CDH17: variants seen among roughly 807,000 people sequenced by gnomAD.
CDH17 encodes cadherin 17, also known as cadherin-17.
A neutral mutation model predicts 86.3 loss-of-function variants in CDH17; 67 were observed. The ratio of observed to expected loss-of-function variants is 0.78; its 90% confidence interval spans 0.64 to 0.95. The LOEUF (loss-of-function observed/expected upper bound fraction) is 0.95. Ranked by LOEUF, CDH17 falls within the 40% of genes least tolerant of loss-of-function variation. CDH17 has a pLI of 0.00. For missense variants in CDH17, 993 were observed against 1,017.6 expected, an observed-to-expected ratio of 0.98 and a Z score of 0.33; for synonymous variants, 367 against 366.4, an observed-to-expected ratio of 1.00 and a Z score of -0.02.
intron 3 of CDH17, among the ~76,000 whole-genome samples, chr8:94,180,039 A>C (rs1361339028): frequency 6.6e-6 from 1 of 152,170 alleles, no homozygotes; most frequent in African/African-American, 2.4e-5. Flanking sequence ...AAAGGAAATC[A>C]TCTCTAAAGA....
At chr8:94,152,869 T>C (rs766236088) in intron 12 of CDH17, among the ~76,000 whole-genome samples, 1 of 152,202 alleles carries the variant, frequency 6.6e-6, no homozygotes, top group Non-Finnish European at 1.5e-5. Context: ...GGTTTTGCCA[T>C]GTTGGCCAGG....
At chr8:94,207,687 G>A (rs1375250724) in intron 1 of CDH17, among the ~76,000 whole-genome samples, 2 of 152,150 alleles carry the variant, frequency 1.3e-5, no homozygotes, top group Non-Finnish European at 2.9e-5. Flanking sequence ...AGAAGGCACT[G>A]TCCTTCCAAT....
intron 1 of CDH17, among the ~76,000 whole-genome samples, chr8:94,203,696 T>C (rs1298387942): frequency 1.3e-5 from 2 of 152,172 alleles, no homozygotes. Flanking sequence ...CCAATTAAAG[T>C]GGCCATTAAT....
intron 15 of CDH17, among the ~76,000 whole-genome samples, chr8:94,132,676 T>A (rs1812442553): frequency 6.6e-6 from 1 of 152,188 alleles, no homozygotes; most frequent in Non-Finnish European, 1.5e-5. Flanking sequence ...TTTAATTAGA[T>A]CCCATTTGTC....
intron 15 of CDH17, among the ~76,000 whole-genome samples, chr8:94,135,686 T>A (rs1019984827): frequency 1.5e-4 from 23 of 152,288 alleles, no homozygotes; most frequent in Admixed American, 9.1e-4. Flanking sequence ...GTGAATTTGA[T>A]CCTGTCATTA....
chr8:94,160,869 A>C (rs1813038499), intron 11 of CDH17, among the ~76,000 whole-genome samples: 1 of 152,212 alleles, frequency 6.6e-6, no homozygotes, highest in Admixed American at 6.5e-5. Flanking sequence ...AGTAAAACCC[A>C]CCAAGGGTCA....
intron 5 of CDH17, 86 bp from the exon 6 acceptor site, chr8:94,174,346 A>C: frequency 1.5e-6 from 2 of 1,331,628 alleles, no homozygotes; most frequent in Non-Finnish European, 2.1e-6. Flanking sequence ...TCCATCTAAA[A>C]AGTGGAGATA....
intron 13 of CDH17, among the ~76,000 whole-genome samples, chr8:94,149,887 T>G (rs1397379293): frequency 6.6e-6 from 1 of 152,140 alleles, no homozygotes; most frequent in Non-Finnish European, 1.5e-5. Flanking sequence ...AAGCAACACA[T>G]CATAGTCATG....
chr8:94,150,892 C>A (rs764379283), intron 13 of CDH17, among the ~76,000 whole-genome samples: 1 of 152,094 alleles, frequency 6.6e-6, no homozygotes, highest in African/African-American at 2.4e-5. Context: ...CAGTATATCC[C>A]CTACTGTTCT....
At chr8:94,131,621 G>C (rs973511600) in intron 15 of CDH17, among the ~76,000 whole-genome samples, 1 of 145,414 alleles carries the variant, frequency 6.9e-6, no homozygotes, top group Non-Finnish European at 1.5e-5. Flanking sequence ...TAGCACTTCA[G>C]CACTATAGTT....
At chr8:94,188,648 G>T (rs913902468) in intron 3 of CDH17, among the ~76,000 whole-genome samples, 1 of 152,152 alleles carries the variant, frequency 6.6e-6, no homozygotes, top group Non-Finnish European at 1.5e-5. Context: ...ATTCCCACCT[G>T]CAGACTGCCC....
upstream of CDH17, among the ~76,000 whole-genome samples, chr8:94,209,995 G>A (rs1438595030): frequency 2.6e-5 from 4 of 151,272 alleles, no homozygotes. Context: ...AACAATGATC[G>A]TGACATGTTG....
chr8:94,199,835 A>G (rs907777121), intron 1 of CDH17, among the ~76,000 whole-genome samples: 4 of 152,120 alleles, frequency 2.6e-5, no homozygotes, highest in Non-Finnish European at 4.4e-5. Flanking sequence ...TCGTGGCCCT[A>G]TCTACTCATC....
At chr8:94,133,567 T>C (rs560736305) in intron 15 of CDH17, among the ~76,000 whole-genome samples, 64 of 152,328 alleles carry the variant, frequency 4.2e-4, no homozygotes, top group African/African-American at 1.5e-3. Flanking sequence ...GCTGAGACAA[T>C]AGGGTTTTCT....
intron 1 of CDH17, among the ~76,000 whole-genome samples, chr8:94,206,745 A>T (rs1232203850): frequency 6.6e-6 from 1 of 150,536 alleles, no homozygotes. Flanking sequence ...GGGCTTAAGG[A>T]ATCCTCTCAC....
intron 3 of CDH17, among the ~76,000 whole-genome samples, chr8:94,182,561 G>A (rs181739834): frequency 8.5e-5 from 13 of 152,116 alleles, no homozygotes; most frequent in East Asian, 1.9e-4. Flanking sequence ...GACAAAATCC[G>A]TCATCCTTTC....
At chr8:94,186,801 G>C (rs996709162) in intron 3 of CDH17, among the ~76,000 whole-genome samples, 1 of 152,098 alleles carries the variant, frequency 6.6e-6, no homozygotes, top group Non-Finnish European at 1.5e-5. Flanking sequence ...ATCTAGTTAC[G>C]GTTTTCCTTG....
chr8:94,128,021 A>T lies in CDH17; in HGVS notation c.*219T>A, dbSNP rs1812334575. The T allele has an allele frequency of 2.4e-6, 1 of 417,764 alleles. No individual in the cohort carries two copies. Among genetic ancestry groups the T allele is most frequent in the South Asian group, 3.3e-5 (1 of 30,444 alleles). 25.9% of individuals were successfully genotyped at this position (417,764 alleles called of 1,614,324 possible). On this transcript the variant is annotated 3_prime_UTR_variant, in exon 18 of 18. Coordinates refer to ENST00000027335, the MANE Select transcript of CDH17 (RefSeq NM_004063.4). ...GGCAGGAGAATCATGTGAACCCAGG[A>T]GGCGGAGGTTGCAGTGAGCTGGGAT... is the stretch of plus-strand genomic sequence containing the variant.
intron 15 of CDH17, among the ~76,000 whole-genome samples, chr8:94,141,037 G>T (rs1812627168): frequency 6.6e-6 from 1 of 151,964 alleles, no homozygotes; most frequent in Non-Finnish European, 1.5e-5. Flanking sequence ...TATAGAGAGA[G>T]ACCAACATCC....
Sources: gnomAD v4.1 joint callset for allele counts (sites outside exome capture counted in the v4.1 genomes callset) on GRCh38, gnomAD v4.1.1 for gene constraint, MANE v1.5 for transcripts, NCBI Gene and HGNC (gene_info 2026-07-23, HGNC 2026-07-21) for gene names.